Variants in HMGA2 observed in about 807,000 individuals in gnomAD.
HMGA2 encodes high mobility group protein HMGI-C.
A neutral mutation model predicts 19.1 loss-of-function variants in HMGA2; 8 were observed. That is an observed-to-expected ratio of 0.42 (90% CI 0.25 to 0.76). The LOEUF is 0.76. Ranked by LOEUF, HMGA2 falls within the 30% of genes least tolerant of loss-of-function variation. The pLI is 0.28. For missense variants in HMGA2, 109 were observed against 136.3 expected (o/e 0.80, Z 1.00); for synonymous variants, 60 against 48.8 (o/e 1.23, Z -0.96).
In HMGA2 at chr12:65,964,112, A is replaced by G. The variant is rs140646931; in HGVS notation, c.*820A>G. ...TACAGAGCCAAAATGCCATTTAGCA[A>G]TAAATAACACTTGTCAGCCTCAGAG... On this transcript the variant is annotated 3_prime_UTR_variant, in exon 5 of 5. Transcript: ENST00000403681. 21 of 204,414 alleles carry G rather than the reference A, an allele frequency of 1.0e-4. No individual in the cohort carries two copies. The highest frequency in any genetic ancestry group is 4.6e-4 in the African/African-American group (20 of 43,912). 12.7% of individuals were successfully genotyped at this position (204,414 alleles called of 1,614,324 possible). A position where few individuals can be genotyped will look rare whatever the true frequency, so the allele number is the denominator to read the frequency against.
At chr12:65,923,824 A>G (rs1875408891) in intron 3 of HMGA2, among the ~76,000 whole-genome samples, 1 of 152,174 alleles carries the variant, frequency 6.6e-6, no homozygotes, top group African/African-American at 2.4e-5. Flanking sequence ...AGCCTGACCG[A>G]CATGGAGAAA....
intron 2 of HMGA2, among the ~76,000 whole-genome samples, chr12:65,831,870 T>C (rs968938308): frequency 6.6e-6 from 1 of 151,928 alleles, no homozygotes; most frequent in East Asian, 1.9e-4. Flanking sequence ...TAGGCCTAAT[T>C]AAAAGGAGAA....
At chr12:65,963,002 C>T (rs904379985) in intron 4 of HMGA2, among the ~76,000 whole-genome samples, 2 of 152,032 alleles carry the variant, frequency 1.3e-5, no homozygotes, top group Non-Finnish European at 2.9e-5. Context: ...ATTTGCTGAC[C>T]AGCCGCCATG....
intron 3 of HMGA2, among the ~76,000 whole-genome samples, chr12:65,851,910 A>T (rs1486607728): frequency 6.6e-6 from 1 of 152,190 alleles, no homozygotes; most frequent in Non-Finnish European, 1.5e-5. Flanking sequence ...CAGGTGACTT[A>T]TCCTTGAACC....
intron 3 of HMGA2, among the ~76,000 whole-genome samples, chr12:65,846,077 G>T (rs1212976225): frequency 6.6e-6 from 1 of 152,180 alleles, no homozygotes; most frequent in Non-Finnish European, 1.5e-5. Flanking sequence ...CCAACATAAG[G>T]TTTTCAGATT....
intron 2 of HMGA2, chr12:65,828,817 A>G (rs1870347264): frequency 6.5e-6 from 1 of 152,700 alleles, no homozygotes; most frequent in Non-Finnish European, 1.5e-5. Flanking sequence ...AGTTAAGTGT[A>G]ATATTCAGTG....
At chr12:65,946,764 A>C (rs1000342174) in intron 3 of HMGA2, among the ~76,000 whole-genome samples, 1 of 152,158 alleles carries the variant, frequency 6.6e-6, no homozygotes, top group Non-Finnish European at 1.5e-5. Flanking sequence ...TTCCTACACA[A>C]GTGTCTCTCT....
intron 3 of HMGA2, among the ~76,000 whole-genome samples, chr12:65,944,644 A>C (rs1173907133): frequency 7.3e-6 from 1 of 137,574 alleles, no homozygotes; most frequent in Non-Finnish European, 1.6e-5. Flanking sequence ...GACAAGTCAC[A>C]AAAATTACCT....
chr12:65,850,860 C>T lies in HMGA2; in HGVS notation c.249+12291C>T, dbSNP rs546854671. On this transcript the variant is annotated intron_variant, in intron 3 of 4. Transcript: ENST00000403681. Reference sequence around the variant, plus strand: ...CAATTTAGAAAGGAGATTTCATGAGCATCCTTGACAGTGGTGTACAAGTTT... The same window carrying T: ...CAATTTAGAAAGGAGATTTCATGAGTATCCTTGACAGTGGTGTACAAGTTT... 6.4e-4 allele frequency among the ~76,000 whole-genome samples: 98 copies of T among 152,274 alleles called. No homozygotes were observed. In the Middle Eastern group the frequency reaches 0.031, roughly 48 times the overall value.
intron 3 of HMGA2, chr12:65,915,103 G>A (rs150799225): frequency 6.2e-7 from 1 of 1,613,748 alleles, no homozygotes; most frequent in Non-Finnish European, 8.5e-7. Context: ...AAACATCTCT[G>A]GGAAACAGTA....
chr12:65,923,838 C>T (rs1268645750), intron 3 of HMGA2, among the ~76,000 whole-genome samples: 1 of 152,024 alleles, frequency 6.6e-6, no homozygotes, highest in Non-Finnish European at 1.5e-5. Flanking sequence ...GGAGAAACCC[C>T]GTCTCTACTA....
chr12:65,962,786 A>C (rs1876787439), intron 4 of HMGA2, among the ~76,000 whole-genome samples: 1 of 152,168 alleles, frequency 6.6e-6, no homozygotes, highest in Non-Finnish European at 1.5e-5. Flanking sequence ...AGCACTCTAA[A>C]AATACCAGCT....
At chr12:65,875,099 A>G (rs1237626328) in intron 3 of HMGA2, among the ~76,000 whole-genome samples, 1 of 144,960 alleles carries the variant, frequency 6.9e-6, no homozygotes, top group Non-Finnish European at 1.5e-5. Flanking sequence ...ATAAAAAGAA[A>G]TGCTTATATT....
At chr12:65,923,038 G>C (rs188604381) in intron 3 of HMGA2, among the ~76,000 whole-genome samples, 1 of 152,168 alleles carries the variant, frequency 6.6e-6, no homozygotes, top group Non-Finnish European at 1.5e-5. Flanking sequence ...GTCTTTATCA[G>C]CAGCATGAAA....
rs542900629 is a variant in HMGA2, at chr12:65,869,665, A to G, written c.249+31096A>G. ...GACAGTGTTTCACAATGTAGGTAAT[A>G]TGAATGGGAGTATTTAAACACAATC... On this transcript the variant is annotated intron_variant, in intron 3 of 4. Transcript: ENST00000403681. Among the ~76,000 whole-genome samples the G allele has an allele frequency of 5.9e-5, 9 of 152,356 alleles. 1 individual carries two copies. In the South Asian group the frequency reaches 1.4e-3, roughly 25 times the overall value.
chr12:65,881,627 G>A (rs908654166), intron 3 of HMGA2: 1 of 609,502 alleles, frequency 1.6e-6, no homozygotes, highest in African/African-American at 1.8e-5. Context: ...AGGGAGCGAA[G>A]GAGGGAGGGA....
intron 3 of HMGA2, among the ~76,000 whole-genome samples, chr12:65,892,979 G>T (rs893387919): frequency 2.6e-5 from 4 of 152,140 alleles, no homozygotes; most frequent in African/African-American, 9.7e-5. Context: ...TCATAAATCT[G>T]TATCTGCATC....
At chr12:65,927,949 G>T (rs1875569934) in intron 3 of HMGA2, among the ~76,000 whole-genome samples, 1 of 146,402 alleles carries the variant, frequency 6.8e-6, no homozygotes, top group African/African-American at 2.5e-5. Context: ...ATGTATGTGA[G>T]TATATATATA....
At chr12:65,878,707 G>A (rs1365847985) in intron 3 of HMGA2, among the ~76,000 whole-genome samples, 1 of 152,158 alleles carries the variant, frequency 6.6e-6, no homozygotes, top group African/African-American at 2.4e-5. Context: ...TATTGACAGT[G>A]TTTCACTGCT....
Sources: allele counts gnomAD v4.1 joint callset (sites outside exome capture counted in the v4.1 genomes callset), GRCh38; gene constraint gnomAD v4.1.1; transcripts MANE v1.5; gene names NCBI Gene and HGNC (gene_info 2026-07-23, HGNC 2026-07-21).